NIM1K: variants seen among roughly 807,000 people sequenced by gnomAD.
The protein encoded by NIM1K is NIM1 serine/threonine protein kinase, also known as serine/threonine-protein kinase NIM1.
In NIM1K, 35 loss-of-function variants were observed where a neutral mutation model predicts 37.1. That is an observed-to-expected ratio of 0.94 (90% CI 0.72 to 1.25). NIM1K has a LOEUF of 1.25. NIM1K is among the 50% of genes most tolerant of loss of function. The probability of loss-of-function intolerance (pLI) is 0.00; values close to 1 mark genes in which losing one functional copy is unlikely to be tolerated. For synonymous variants in NIM1K, 234 were observed against 206.6 expected, an observed-to-expected ratio of 1.13 and a Z score of -1.14; for missense variants, 564 against 548.0, an observed-to-expected ratio of 1.03 and a Z score of -0.29.
At chr5:43,248,851 C>T (rs991464553) in intron 2 of NIM1K, among the ~76,000 whole-genome samples, 32 of 145,922 alleles carry the variant, frequency 2.2e-4, no homozygotes, top group African/African-American at 7.8e-4. Context: ...CTTGCTCAGT[C>T]TTTTTTTTTT....
At chr5:43,261,765 T>C (rs1028656216) in intron 2 of NIM1K, among the ~76,000 whole-genome samples, 1 of 152,130 alleles carries the variant, frequency 6.6e-6, no homozygotes, top group Admixed American at 6.6e-5. Flanking sequence ...AGTCTTTAAT[T>C]CATCTTGAAT....
intron 1 of NIM1K, among the ~76,000 whole-genome samples, chr5:43,197,317 G>A (rs188219199): frequency 6.7e-6 from 1 of 150,354 alleles, no homozygotes; most frequent in Admixed American, 6.7e-5. Context: ...TTGTAGAGTT[G>A]TCGGTGGTAG....
rs73751054 is a variant in NIM1K at position 43,210,515 on chromosome 5, G to A, written c.-695+18104G>A. ...GAGAGTCAATTATCAACAGAGGGGTGCATAAAATACTCTGGGGCACCACGG... is the reference window on the plus strand; with the variant it reads ...GAGAGTCAATTATCAACAGAGGGGTACATAAAATACTCTGGGGCACCACGG... On this transcript the variant is annotated intron_variant, in intron 1 of 3. Coordinates refer to ENST00000326035, the MANE Select transcript of NIM1K (RefSeq NM_153361.4). 2.9e-3 allele frequency among the ~76,000 whole-genome samples: 443 copies of A among 152,254 alleles called. 4 individuals are homozygous for A. The highest frequency in any genetic ancestry group is 0.01 in the African/African-American group (426 of 41,542).
At chr5:43,218,912 G>A in intron 1 of NIM1K, among the ~76,000 whole-genome samples, 1 of 151,998 alleles carries the variant, frequency 6.6e-6, no homozygotes, top group East Asian at 1.9e-4. Context: ...ATCTCATCTT[G>A]AATTGTAGTT....
At chr5:43,234,158 G>A (rs1752582701) in intron 1 of NIM1K, among the ~76,000 whole-genome samples, 1 of 152,128 alleles carries the variant, frequency 6.6e-6, no homozygotes, top group Non-Finnish European at 1.5e-5. Context: ...ACTTCAGATG[G>A]CCTTAGTTTT....
In NIM1K at chr5:43,245,802, T is replaced by C. The variant is rs1752769835; in HGVS notation, c.27T>C (p.Gly9=). Residue 9 remains glycine (G), a synonymous_variant, in exon 2 of 4, where the codon GGT becomes GGC. Transcript: ENST00000326035. The part of the protein sequence containing the change: MTAVYMNG[G]GLVNPHYARW... ...TGACTGCAGTGTATATGAATGGAGG[T>C]GGCCTGGTGAACCCCCACTATGCCC... is the stretch of plus-strand genomic sequence containing the variant. 6.2e-7 allele frequency: 1 copy of C among 1,608,782 alleles called. No individual in the cohort carries two copies. Among genetic ancestry groups the C allele is most frequent in the South Asian group, 1.1e-5 (1 of 90,472 alleles).
intron 1 of NIM1K, among the ~76,000 whole-genome samples, chr5:43,208,298 GA>G (rs5867621): frequency 4.0e-5 from 6 of 150,628 alleles, no homozygotes; most frequent in East Asian, 3.9e-4. Flanking sequence ...ACAAAAGAGA[GA>G]AAAAAAAAGA....
At chr5:43,217,708 A>ATTTTTTTT (rs71608698) in intron 1 of NIM1K, among the ~76,000 whole-genome samples, 8 of 93,624 alleles carry the variant, frequency 8.5e-5, no homozygotes, top group East Asian at 7.4e-4. Context: ...TCCTCTGTCT[A>ATTTTTTTT]TTTTTTTTTT....
At chr5:43,235,749 G>A (rs1019620791) in intron 1 of NIM1K, among the ~76,000 whole-genome samples, 1 of 152,150 alleles carries the variant, frequency 6.6e-6, no homozygotes, top group Non-Finnish European at 1.5e-5. Context: ...AAAACTACAA[G>A]ACTGTAAGGT....
At chr5:43,193,008 C>G (rs1751855582) in intron 1 of NIM1K, 1 of 152,212 alleles carries the variant, frequency 6.6e-6, no homozygotes, top group Non-Finnish European at 1.5e-5. Context: ...GCACCCCACG[C>G]CGCGACTCTC....
intron 1 of NIM1K, among the ~76,000 whole-genome samples, chr5:43,220,750 T>C (rs1752369658): frequency 6.6e-6 from 1 of 152,250 alleles, no homozygotes; most frequent in Admixed American, 6.5e-5. Context: ...CATTTCCTCT[T>C]TTCCTTTGTT....
chr5:43,243,850 C>T (rs1026114266), intron 1 of NIM1K, among the ~76,000 whole-genome samples: 34 of 152,108 alleles, frequency 2.2e-4, no homozygotes, highest in African/African-American at 7.7e-4. Flanking sequence ...TACACCACCA[C>T]ACCCTGCTAG....
chr5:43,272,136 TA>T lies in NIM1K; in HGVS notation c.293-4914del, dbSNP rs537570716. On this transcript the variant is annotated intron_variant, in intron 2 of 3. Transcript: ENST00000326035. ...TAAAGCAACTAATGATGTTGAATAT[TA>T]AAAAAATGCTTTATTGACAAAGGAA... is the stretch of plus-strand genomic sequence containing the variant. Among the ~76,000 whole-genome samples the T allele has an allele frequency of 2.3e-3, 347 of 152,268 alleles. 1 individual carries two copies. Among genetic ancestry groups the T allele is most frequent in the South Asian group, 7.9e-3 (38 of 4,816 alleles).
chr5:43,236,000 A>T (rs1752615939), intron 1 of NIM1K, among the ~76,000 whole-genome samples: 1 of 152,186 alleles, frequency 6.6e-6, no homozygotes, highest in Admixed American at 6.5e-5. Context: ...GTTGACAGGC[A>T]TGGTTGTTCA....
intron 3 of NIM1K, among the ~76,000 whole-genome samples, chr5:43,278,243 C>T (rs776205129): frequency 6.6e-6 from 1 of 152,098 alleles, no homozygotes; most frequent in Non-Finnish European, 1.5e-5. Flanking sequence ...TGAGGTTTCA[C>T]CATGTTTGTC....
intron 1 of NIM1K, among the ~76,000 whole-genome samples, chr5:43,219,063 C>T (rs1752347283): frequency 6.6e-6 from 1 of 152,104 alleles, no homozygotes; most frequent in Non-Finnish European, 1.5e-5. Flanking sequence ...CGCTTTTGCT[C>T]AGCACTTCTC....
intron 1 of NIM1K, 73 bp from the exon 2 acceptor site, chr5:43,245,009 A>T (rs1752754790): frequency 1.3e-5 from 2 of 152,254 alleles, no homozygotes; most frequent in South Asian, 4.1e-4. Flanking sequence ...CTTACAAAGC[A>T]GTTGCACATT....
intron 1 of NIM1K, among the ~76,000 whole-genome samples, chr5:43,194,502 T>C (rs1244386360): frequency 1.3e-5 from 2 of 152,236 alleles, no homozygotes; most frequent in Non-Finnish European, 1.5e-5. Flanking sequence ...AAAGACAGGT[T>C]TATATGAAAT....
chr5:43,224,260 CAGTCGAAGTGTCCCAT>C (rs1343817890), intron 1 of NIM1K, among the ~76,000 whole-genome samples: 1 of 151,972 alleles, frequency 6.6e-6, no homozygotes, highest in Non-Finnish European at 1.5e-5. Context: ...CTAACACCCC[CAGTCGAAGTGTCCCAT>C]AATCTACCTG....
Sources: allele counts gnomAD v4.1 joint callset (sites outside exome capture counted in the v4.1 genomes callset), GRCh38; gene constraint gnomAD v4.1.1; transcripts MANE v1.5; gene names NCBI Gene and HGNC (gene_info 2026-07-23, HGNC 2026-07-21).